Variants in TUSC3 observed in about 807,000 individuals in gnomAD.
TUSC3 encodes tumor suppressor candidate 3.
TUSC3 carries 45 observed loss-of-function variants against 44.8 expected under a neutral mutation model. That is an observed-to-expected ratio of 1.00 (90% CI 0.79 to 1.29). The LOEUF is 1.29. Among genes scored for constraint, TUSC3 ranks in the 50% most tolerant of loss-of-function variants. The pLI is 0.00. For missense variants in TUSC3, 519 were observed against 437.9 expected (o/e 1.19, Z -1.65); for synonymous variants, 212 against 152.9 (o/e 1.39, Z -2.85).
Position 15,730,710 on chromosome 8 carries a change from ACAC to A in TUSC3, c.844_846del (p.His282del). 6.2e-7 allele frequency: 1 copy of A among 1,613,226 alleles called. No homozygotes were observed. Among genetic ancestry groups the A allele is most frequent in the Non-Finnish European group, 8.5e-7 (1 of 1,179,442 alleles). The stretch of plus-strand genomic sequence containing the variant: ...GCCAGGCTCAGTTTGTGGCAGAATC[ACAC>A]ATTATTCTGGTACTGAGTATCCTTT... On this transcript the variant is annotated inframe_deletion, in exon 7 of 11. Transcript: ENST00000503731.
chr8:15,840,574 G>T, the TUSC3 span, among the ~76,000 whole-genome samples: 1 of 151,780 alleles, frequency 6.6e-6, no homozygotes, highest in Non-Finnish European at 1.5e-5. Context: ...GCATGGAAGA[G>T]AAAAAAGGAT....
chr8:15,749,726 G>A (rs890640059), intron 9 of TUSC3, among the ~76,000 whole-genome samples: 1 of 138,178 alleles, frequency 7.2e-6, no homozygotes, highest in Non-Finnish European at 1.6e-5. Context: ...ATCCAAGAAA[G>A]ATGAAGTTTT....
At chr8:15,785,179 T>A in the TUSC3 span, among the ~76,000 whole-genome samples, 2 of 152,104 alleles carry the variant, frequency 1.3e-5, no homozygotes, top group African/African-American at 4.8e-5. Context: ...CCACTGAAGA[T>A]ATCCATGTAA....
At position 15,662,285 on chromosome 8, in the gene TUSC3, A is replaced by G. The variant is rs1344571736; in HGVS notation, c.697A>G (p.Met233Val). ...CATCTATAACAAGACTGGTTGGGCC[A>G]TGGTGTCTCTGGTATGTTAATACAT... ...EFIYNKTGWAMVSLCIVFAMT... is the reference protein window; with the variant it reads ...EFIYNKTGWAVVSLCIVFAMT... Residue 233 changes from methionine to valine, a missense_variant, in exon 5 of 11, where the codon ATG becomes GTG. Met to Val is a conservative substitution (Grantham distance 21, BLOSUM62 1). Transcript: ENST00000503731. 3 of 1,612,710 alleles carry G rather than the reference A, an allele frequency of 1.9e-6. No homozygotes were observed. Among genetic ancestry groups the G allele is most frequent in the African/African-American group, 2.7e-5 (2 of 74,786 alleles).
At chr8:15,703,844 T>G (rs1287798032) in intron 6 of TUSC3, among the ~76,000 whole-genome samples, 7 of 152,026 alleles carry the variant, frequency 4.6e-5, no homozygotes, top group African/African-American at 1.7e-4. Flanking sequence ...CAACATGAGA[T>G]TTGGAGGGGA....
intron 2 of TUSC3, among the ~76,000 whole-genome samples, chr8:15,524,165 T>A (rs888221281): frequency 2.6e-5 from 4 of 152,138 alleles, no homozygotes; most frequent in Non-Finnish European, 5.9e-5. Context: ...TTTGCATATG[T>A]TAACGGTTGT....
intron 1 of TUSC3, among the ~76,000 whole-genome samples, chr8:15,610,517 A>T (rs1301584263): frequency 7.0e-6 from 1 of 142,942 alleles, no homozygotes; most frequent in Non-Finnish European, 1.5e-5. Context: ...TTGGAATATT[A>T]ATTTAACATC....
At position 15,512,961 on chromosome 8, in the gene TUSC3, A is replaced by G. The variant is rs1355235810; in HGVS notation, n.189+29478A>G. ...ATATATATATATATATATATATATGATTCTTTTTCTCTGGAAAATTCTCAC... is the reference window on the plus strand; with the variant it reads ...ATATATATATATATATATATATATGGTTCTTTTTCTCTGGAAAATTCTCAC... On this transcript the variant is annotated intron_variant and non_coding_transcript_variant, in intron 2 of 5. Transcript: ENST00000503191. Among the ~76,000 whole-genome samples, 4 of 70,002 alleles carry G rather than the reference A, an allele frequency of 5.7e-5. No individual in the cohort carries two copies. The South Asian group carries it at 2.0e-3, about 36-fold the overall frequency. 45.9% of individuals were successfully genotyped at this position (70,002 alleles called of 152,430 possible).
At chr8:15,444,621 TG>T (rs1800066737) in intron 1 of TUSC3, among the ~76,000 whole-genome samples, 1 of 152,028 alleles carries the variant, frequency 6.6e-6, no homozygotes, top group Admixed American at 6.6e-5. Context: ...AATGCAGAGA[TG>T]AACACAGAAG....
intron 2 of TUSC3, among the ~76,000 whole-genome samples, chr8:15,512,931 C>CATATATAT (rs10696221): frequency 0.059 from 6,512 of 109,526 alleles, 220 homozygotes; most frequent in East Asian, 0.14. Context: ...TATATATAAT[C>CATATATAT]ATATATATAT....
At chr8:15,459,982 G>C (rs190090880) in intron 1 of TUSC3, among the ~76,000 whole-genome samples, 66 of 152,246 alleles carry the variant, frequency 4.3e-4, no homozygotes, top group African/African-American at 1.6e-3. Flanking sequence ...ATTGCTAATT[G>C]TGCAGCTATA....
intron 1 of TUSC3, among the ~76,000 whole-genome samples, chr8:15,609,044 C>G (rs980716990): frequency 3.9e-5 from 6 of 152,098 alleles, no homozygotes; most frequent in Non-Finnish European, 8.8e-5. Context: ...TTGCTCTTGG[C>G]TGATTTTCTG....
chr8:15,484,595 A>T (rs1800711609), intron 2 of TUSC3, among the ~76,000 whole-genome samples: 1 of 152,196 alleles, frequency 6.6e-6, no homozygotes. Flanking sequence ...TAAAAAGTAA[A>T]ATTAATCTTG....
chr8:15,797,854 G>C, the TUSC3 span, among the ~76,000 whole-genome samples: 26 of 152,268 alleles, frequency 1.7e-4, no homozygotes, highest in African/African-American at 6.0e-4. Flanking sequence ...GACGTGTTGG[G>C]AGCAATAACT....
At chr8:15,715,669 G>A (rs1286301210) in intron 6 of TUSC3, among the ~76,000 whole-genome samples, 2 of 151,548 alleles carry the variant, frequency 1.3e-5, no homozygotes, top group African/African-American at 2.4e-5. Flanking sequence ...AGATAAGGGG[G>A]GACTACTATG....
the TUSC3 span, among the ~76,000 whole-genome samples, chr8:15,810,343 G>T: frequency 2.6e-5 from 4 of 152,126 alleles, no homozygotes; most frequent in African/African-American, 7.2e-5. Context: ...AATACTCTGG[G>T]GAAGAAAATC....
chr8:15,745,503 G>A lies in TUSC3; in HGVS notation c.937+1891G>A, dbSNP rs1592681. Among the ~76,000 whole-genome samples, 890 of 152,102 alleles carry A rather than the reference G, an allele frequency of 5.9e-3. 8 individuals carry two copies. The highest frequency in any genetic ancestry group is 0.02 in the African/African-American group (827 of 41,498). On this transcript the variant is annotated intron_variant, in intron 8 of 10. Transcript: ENST00000503731. ...ACTCTAATCATAGCCATTCTGACTG[G>A]AGTGAGATGGTATCTCATTGTGGTT...
At chr8:15,804,425 T>C in the TUSC3 span, among the ~76,000 whole-genome samples, 1 of 152,188 alleles carries the variant, frequency 6.6e-6, no homozygotes, top group East Asian at 1.9e-4. Context: ...CTGACTGGTG[T>C]TTTTTAGGTT....
At chr8:15,719,448 T>A (rs931656964) in intron 6 of TUSC3, among the ~76,000 whole-genome samples, 1 of 151,818 alleles carries the variant, frequency 6.6e-6, no homozygotes, top group Non-Finnish European at 1.5e-5. Context: ...TACTTTTTTC[T>A]GCTTTTCCTT....
Sources: gnomAD v4.1 joint callset for allele counts (sites outside exome capture counted in the v4.1 genomes callset) on GRCh38, gnomAD v4.1.1 for gene constraint, MANE v1.5 for transcripts, NCBI Gene and HGNC (gene_info 2026-07-23, HGNC 2026-07-21) for gene names.